Variants in HDAC8 observed in about 807,000 individuals in gnomAD.
The protein encoded by HDAC8 is histone deacetylase-like 1.
HDAC8 carries 1 observed loss-of-function variant against 32.2 expected under a neutral mutation model. That is an observed-to-expected ratio of 0.03 (90% CI 0.01 to 0.15). The LOEUF (loss-of-function observed/expected upper bound fraction) is 0.15, where lower values mean the gene tolerates loss of function less well. HDAC8 is among the 10% of genes least tolerant of loss of function. HDAC8 has a pLI of 1.00. For missense variants in HDAC8, 117 were observed against 300.0 expected, an observed-to-expected ratio of 0.39 and a Z score of 4.51; for synonymous variants, 108 against 113.9, an observed-to-expected ratio of 0.95 and a Z score of 0.33.
intron 9 of HDAC8, among the ~76,000 whole-genome samples, chrX:72,445,189 G>T (rs1418786935): frequency 9.1e-6 from 1 of 110,058 alleles, no homozygotes; most frequent in Admixed American, 9.7e-5. Context: ...CTACTTTAAA[G>T]TTCATATGGA....
At chrX:72,520,360 C>CATTT (rs1556027902) in intron 4 of HDAC8, among the ~76,000 whole-genome samples, 2 of 112,191 alleles carry the variant, frequency 1.8e-5, no homozygotes. Flanking sequence ...ACTCATCATA[C>CATTT]ATTTCATAGG....
At chrX:72,441,241 G>C (rs781823071) in intron 9 of HDAC8, among the ~76,000 whole-genome samples, 1 of 112,847 alleles carries the variant, frequency 8.9e-6, no homozygotes, top group East Asian at 2.8e-4. Flanking sequence ...CCTCAAGTGG[G>C]TCCCTGACCC....
chrX:72,345,604 G>C (rs2044004858), intron 10 of HDAC8, among the ~76,000 whole-genome samples: 1 of 111,426 alleles, frequency 9.0e-6, no homozygotes, highest in South Asian at 3.8e-4. Context: ...TATGCCAAGG[G>C]TTTTCATGGT....
rs782102688 is a variant in HDAC8 at position 72,555,732 on chromosome X, AAGCCTCC to A, written c.437+12150_437+12156del. ...AGAAAAGAATTTTAACAAATGAACA[AAGCCTCC>A]AAGAAGTTTGGGACTATGTTAAATG... On this transcript the variant is annotated intron_variant, in intron 4 of 10. Coordinates refer to ENST00000373573, the MANE Select transcript of HDAC8 (RefSeq NM_018486.3). Among the ~76,000 whole-genome samples, 3 of 112,773 alleles carry A rather than the reference AAGCCTCC, an allele frequency of 2.7e-5. No homozygotes were observed. The South Asian group carries it at 1.1e-3, about 41-fold the overall frequency.
intron 4 of HDAC8, chrX:72,567,656 C>T: frequency 1.1e-5 from 11 of 1,027,496 alleles, no homozygotes; most frequent in Non-Finnish European, 1.4e-5. Flanking sequence ...AGTCAGTTAG[C>T]CAAGTTAGAA....
intron 4 of HDAC8, among the ~76,000 whole-genome samples, chrX:72,529,833 G>T (rs782381534): frequency 3.6e-5 from 4 of 111,676 alleles, no homozygotes; most frequent in Non-Finnish European, 5.6e-5. Context: ...GGTGGGAGGT[G>T]ATTGGATCAT....
chrX:72,388,584 G>A (rs2045521394), intron 9 of HDAC8, among the ~76,000 whole-genome samples: 1 of 93,753 alleles, frequency 1.1e-5, no homozygotes. Flanking sequence ...CTATACAAAT[G>A]CCACAGTGAT....
intron 10 of HDAC8, among the ~76,000 whole-genome samples, chrX:72,335,980 C>A (rs1162364223): frequency 2.7e-5 from 3 of 110,598 alleles, no homozygotes; most frequent in Non-Finnish European, 5.7e-5. Flanking sequence ...AAAAAGACCC[C>A]CAAACATTCA....
At chrX:72,392,706 T>G (rs2045644871) in intron 9 of HDAC8, among the ~76,000 whole-genome samples, 1 of 112,387 alleles carries the variant, frequency 8.9e-6, no homozygotes, top group South Asian at 3.7e-4. Context: ...TGAAAAATTC[T>G]ACTATCTTTT....
At chrX:72,490,804 A>G (rs1219290310) in intron 6 of HDAC8, 125 bp downstream of exon 6, 1 of 492,234 alleles carries the variant, frequency 2.0e-6, no homozygotes, top group Non-Finnish European at 3.4e-6. Flanking sequence ...ATGCAAAAAA[A>G]AAAATTTTGC....
chrX:72,535,113 T>C (rs2147431156), intron 4 of HDAC8, among the ~76,000 whole-genome samples: 1 of 112,280 alleles, frequency 8.9e-6, no homozygotes, highest in African/African-American at 3.2e-5. Context: ...TCAAACAAGG[T>C]ACGTTGTTTT....
At position 72,411,259 on chromosome X, in the gene HDAC8, C is replaced by CT. The variant is rs2147898982; in HGVS notation, c.1005+50744_1005+50745insA. ...CAGTCTGGTCTTGAACTCTTGACCT[C>CT]GTGATCCTCCCACCTTGGCCTCCCA... On this transcript the variant is annotated intron_variant, in intron 9 of 10. Transcript: ENST00000373573. Among the ~76,000 whole-genome samples the CT allele has an allele frequency of 3.6e-5, 4 of 110,657 alleles. No individual in the cohort carries two copies. In the South Asian group the frequency reaches 1.5e-3, roughly 43 times the overall value.
chrX:72,337,406 C>T (rs2043730506), intron 10 of HDAC8, among the ~76,000 whole-genome samples: 1 of 111,731 alleles, frequency 9.0e-6, no homozygotes, highest in Non-Finnish European at 1.9e-5. Flanking sequence ...GTGGACAGAG[C>T]AGACATAGAA....
At position 72,558,988 on chromosome X, in the gene HDAC8, A is replaced by T. The variant is rs782657946; in HGVS notation, c.437+8901T>A. On this transcript the variant is annotated intron_variant, in intron 4 of 10. Transcript: ENST00000373573. ...AAATCAAGAACTCAACCCCTTTCAC[A>T]ATAGCTGCAGAAAAAATAAAATACT... is the stretch of plus-strand genomic sequence containing the variant. Among the ~76,000 whole-genome samples, 6 of 105,472 alleles carry T rather than the reference A, an allele frequency of 5.7e-5. 1 individual carries two copies. The South Asian group carries it at 2.7e-3, about 48-fold the overall frequency. The allele number at this position is 105,472 out of a possible 115,157, so 91.6% of individuals were successfully genotyped here. A position where few individuals can be genotyped will look rare whatever the true frequency, so the allele number is the denominator to read the frequency against.
intron 4 of HDAC8, among the ~76,000 whole-genome samples, chrX:72,548,404 AC>A (rs1347049115): frequency 9.0e-6 from 1 of 110,912 alleles, no homozygotes; most frequent in Non-Finnish European, 1.9e-5. Context: ...TTATACCTTA[AC>A]CCTCCAGCAA....
chrX:72,437,581 AG>A (rs1336727607), intron 9 of HDAC8, among the ~76,000 whole-genome samples: 18 of 112,035 alleles, frequency 1.6e-4, no homozygotes, highest in African/African-American at 5.5e-4. Flanking sequence ...CAGCAATCTA[AG>A]AGCCACAAGC....
At chrX:72,554,230 T>C (rs2051189386) in intron 4 of HDAC8, among the ~76,000 whole-genome samples, 1 of 111,400 alleles carries the variant, frequency 9.0e-6, no homozygotes, top group Admixed American at 9.6e-5. Flanking sequence ...TTACAGCTCC[T>C]GCTCGGATGG....
intron 7 of HDAC8, among the ~76,000 whole-genome samples, chrX:72,477,225 C>T (rs1267370805): frequency 1.8e-5 from 2 of 111,668 alleles, no homozygotes; most frequent in Non-Finnish European, 1.9e-5. Context: ...AGAACATTTA[C>T]GTGTATATTT....
At chrX:72,571,553 C>CTTTTTTTTTTTTTTTTTTTTTTTTTCTTT (rs2052059829) in intron 2 of HDAC8, among the ~76,000 whole-genome samples, 1 of 30,449 alleles carries the variant, frequency 3.3e-5, no homozygotes, top group Non-Finnish European at 5.9e-5. Context: ...TTCTTTCTTT[C>CTTTTTTTTTTTTTTTTTTTTTTTTTCTTT]TTTTTTTTTT....
Sources: allele counts gnomAD v4.1 joint callset (sites outside exome capture counted in the v4.1 genomes callset), GRCh38; gene constraint gnomAD v4.1.1; transcripts MANE v1.5; gene names NCBI Gene and HGNC (gene_info 2026-07-23, HGNC 2026-07-21).